KCNAB3: variants seen among roughly 807,000 people sequenced by gnomAD.
KCNAB3 encodes voltage-gated potassium channel subunit beta-3.
KCNAB3 carries 62 observed loss-of-function variants against 67.7 expected under a neutral mutation model. That is an observed-to-expected ratio of 0.92 (90% CI 0.75 to 1.13). The LOEUF (loss-of-function observed/expected upper bound fraction) is 1.13, where lower values mean the gene tolerates loss of function less well. Among genes scored for constraint, KCNAB3 ranks in the 50% most tolerant of loss-of-function variants. The pLI, the probability that KCNAB3 is intolerant of heterozygous loss-of-function variation, is 0.00. For synonymous variants in KCNAB3, 212 were observed against 205.4 expected, an observed-to-expected ratio of 1.03 and a Z score of -0.27; for missense variants, 514 against 522.9, an observed-to-expected ratio of 0.98 and a Z score of 0.17.
rs748147975 is a variant in KCNAB3 at position 7,925,999 on chromosome 17, C to A, written c.450-24G>T. The A allele has an allele frequency of 9.9e-6, 16 of 1,613,892 alleles. No homozygotes were observed. In the South Asian group the frequency reaches 1.4e-4, roughly 14 times the overall value. On this transcript the variant is annotated intron_variant, in intron 5 of 13. Coordinates refer to ENST00000303790, the MANE Select transcript of KCNAB3 (RefSeq NM_004732.4). Reference sequence around the variant, plus strand: ...TCCTGGAAGAATAGAAATGGGAGAACCAGTAAGAAAAGGATTTTTGGGTGA... The same window carrying A: ...TCCTGGAAGAATAGAAATGGGAGAAACAGTAAGAAAAGGATTTTTGGGTGA...
chr17:7,923,152 C>T lies in KCNAB3; in HGVS notation c.1165G>A (p.Val389Met). 1 of 1,614,198 alleles carries T rather than the reference C, an allele frequency of 6.2e-7. No individual in the cohort carries two copies. The highest frequency in any genetic ancestry group is 8.5e-7 in the Non-Finnish European group (1 of 1,180,020). Reference sequence around the variant, plus strand: ...CCCAGGAGCCCGTCTATTTCCATCACTGTCTGCGGGGTCAGCTGGCTCAGC... The same window carrying T: ...CCCAGGAGCCCGTCTATTTCCATCATTGTCTGCGGGGTCAGCTGGCTCAGC... Reference protein sequence around the residue: ...QVLSQLTPQTVMEIDGLLGNK... With the variant: ...QVLSQLTPQTMMEIDGLLGNK... Residue 389 changes from valine (V) to methionine (M), a missense_variant, in exon 14 of 14, where the codon GTG (valine) becomes ATG (methionine). Coordinates refer to ENST00000303790, the MANE Select transcript of KCNAB3 (RefSeq NM_004732.4).
At chr17:7,925,607 A>G (rs1486011220) in intron 7 of KCNAB3, 76 bp downstream of exon 7, 11 of 1,463,432 alleles carry the variant, frequency 7.5e-6, no homozygotes, top group Non-Finnish European at 1.1e-5. Flanking sequence ...CAAAGCCTCC[A>G]GAAGTTCAGA....
At position 7,929,195 on chromosome 17, in the gene KCNAB3, T is replaced by G. The variant is rs1216516360; in HGVS notation, c.241A>C (p.Arg81=). ...TGGGCTGCCCGGCCACCCCCATACC[T>G]GTATTTCATGCCAGTGCCTCGGCCG... ...STGRGTGMKY[R]NLGKSGLRVS... Residue 81 remains arginine (R), a splice_region_variant and synonymous_variant, in exon 1 of 14, where the codon AGG becomes CGG. Transcript: ENST00000303790. The surrounding 1 kb of genome is among the most constrained non-coding windows in gnomAD (Gnocchi z 5.7). 1.2e-6 allele frequency: 2 copies of G among 1,611,332 alleles called. No homozygotes were observed. The highest frequency in any genetic ancestry group is 4.5e-5 in the East Asian group (2 of 44,796).
Position 7,923,000 on chromosome 17 carries a change from C to A in KCNAB3, c.*102G>T, listed in dbSNP as rs765589257. 1.8e-6 allele frequency: 2 copies of A among 1,129,910 alleles called. No individual in the cohort carries two copies. The highest frequency in any genetic ancestry group is 2.4e-5 in the East Asian group (1 of 42,540). The allele number at this position is 1,129,910 out of a possible 1,614,324, so 70.0% of individuals were successfully genotyped here. A position where few individuals can be genotyped will look rare whatever the true frequency, so the allele number is the denominator to read the frequency against. ...TTGGTGGGCGGGGCTAGTCTGGCTCCGGCCGCTGCGTGGAGGGATCCGGAG... is the reference window on the plus strand; with the variant it reads ...TTGGTGGGCGGGGCTAGTCTGGCTCAGGCCGCTGCGTGGAGGGATCCGGAG... On this transcript the variant is annotated 3_prime_UTR_variant, in exon 14 of 14. Transcript: ENST00000303790.
In KCNAB3 at chr17:7,929,508, G is replaced by C; in HGVS notation, c.-73C>G. On this transcript the variant is annotated 5_prime_UTR_variant, in exon 1 of 14. Coordinates refer to ENST00000303790, the MANE Select transcript of KCNAB3 (RefSeq NM_004732.4). This position sits in a 1 kb window ranked among gnomAD's most constrained non-coding sequence, Gnocchi z 5.7. The stretch of plus-strand genomic sequence containing the variant: ...GGAGCAGGGAAGCCCGAGGGCTGAC[G>C]ACCGGGGGCGTAGTGGGGCGAACCC... 1 of 1,530,778 alleles carries C rather than the reference G, an allele frequency of 6.5e-7. No homozygotes were observed. The highest frequency in any genetic ancestry group is 8.8e-7 in the Non-Finnish European group (1 of 1,140,404). The allele number at this position is 1,530,778 out of a possible 1,614,324, so 94.8% of individuals were successfully genotyped here.
chr17:7,923,443 G>A lies in KCNAB3; in HGVS notation c.1137+13C>T, dbSNP rs745394022. The A allele has an allele frequency of 5.0e-6, 8 of 1,603,600 alleles. No homozygotes were observed. The African/African-American group carries it at 1.1e-4, about 22-fold the overall frequency. On this transcript the variant is annotated intron_variant, in intron 13 of 13. Transcript: ENST00000303790. ...GGGGACAGATAGGCTCTGCCTCTGA[G>A]TCCCCGGCTCACCTGTAGCGCGCCC...
In KCNAB3 at chr17:7,929,834, C is replaced by CAT; in HGVS notation, c.-400_-399insAT. The CAT allele has an allele frequency of 1.9e-6, 2 of 1,026,766 alleles. No homozygotes were observed. The highest frequency in any genetic ancestry group is 5.5e-5 in the Admixed American group (1 of 18,242). The allele number at this position is 1,026,766 out of a possible 1,614,324, so 63.6% of individuals were successfully genotyped here. A position where few individuals can be genotyped will look rare whatever the true frequency, so the allele number is the denominator to read the frequency against. On this transcript the variant is annotated 5_prime_UTR_variant, in exon 1 of 14. It adds an upstream start codon to the 5' untranslated region. Transcript: ENST00000303790. The surrounding 1 kb of genome is among the most constrained non-coding windows in gnomAD (Gnocchi z 5.7). ...CTGCGGGACCCGCTGGGCTCCCAGC[C>CAT]GCGTCGGCAGCGGGCCCAGCTCATC...
Position 7,923,498 on chromosome 17 carries a change from C to A in KCNAB3, c.1095G>T (p.Val365=), listed in dbSNP as rs1235426273. The change falls in exon 13 of 14, where the codon GTG becomes GTT. Residue 365 remains valine (V), a synonymous_variant. Coordinates refer to ENST00000303790, the MANE Select transcript of KCNAB3 (RefSeq NM_004732.4). ...GTTCTATCAACTGCTCCGCACTCGA[C>A]ACCCCCAGCAAGACAGAGCTGACAC... ...SEGVSSVLLG[V]SSAEQLIEHL... is the part of the protein sequence containing the mutation. 5.6e-6 allele frequency: 9 copies of A among 1,612,602 alleles called. No individual in the cohort carries two copies. The highest frequency in any genetic ancestry group is 7.6e-6 in the Non-Finnish European group (9 of 1,179,460).
chr17:7,923,225 CTG>C, intron 13 of KCNAB3, 46 bp from the exon 14 acceptor site: 1 of 1,570,124 alleles, frequency 6.4e-7, no homozygotes. Context: ...TGCTGGGTCA[CTG>C]AGAAAGGGCA....
At position 7,929,819 on chromosome 17, in the gene KCNAB3, C is replaced by CTATTA; in HGVS notation, c.-385_-384insTAATA. 7 of 1,011,720 alleles carry CTATTA rather than the reference C, an allele frequency of 6.9e-6. No homozygotes were observed. Among genetic ancestry groups the CTATTA allele is most frequent in the Admixed American group, 6.0e-5 (1 of 16,550 alleles). 62.7% of individuals were successfully genotyped at this position (1,011,720 alleles called of 1,614,324 possible). On this transcript the variant is annotated 5_prime_UTR_variant, in exon 1 of 14. Transcript: ENST00000303790. This position sits in a 1 kb window ranked among gnomAD's most constrained non-coding sequence, Gnocchi z 5.7. ...CTTCAGCGCGAACCGCTGCGGGACC[C>CTATTA]GCTGGGCTCCCAGCCGCGTCGGCAG... is the stretch of plus-strand genomic sequence containing the variant.
chr17:7,926,603 C>T (rs571212414), intron 4 of KCNAB3, among the ~76,000 whole-genome samples: 26 of 152,222 alleles, frequency 1.7e-4, no homozygotes, highest in Non-Finnish European at 3.1e-4. Context: ...AAATTATGAG[C>T]TCACTTATGA....
At position 7,929,466 on chromosome 17, in the gene KCNAB3, CG is replaced by C. The variant is rs1403634517; in HGVS notation, c.-32del. The stretch of plus-strand genomic sequence containing the variant: ...CTGGCCGAGGCGGGGGAGGGGGCTC[CG>C]AGGGGACGGGAGGGGGGAGCAGGGA... On this transcript the variant is annotated 5_prime_UTR_variant, in exon 1 of 14. Transcript: ENST00000303790. This position sits in a 1 kb window ranked among gnomAD's most constrained non-coding sequence, Gnocchi z 5.7. 7.1e-7 allele frequency: 1 copy of C among 1,417,100 alleles called. No individual in the cohort carries two copies. Among genetic ancestry groups the C allele is most frequent in the Admixed American group, 2.1e-5 (1 of 46,608 alleles). 87.8% of individuals were successfully genotyped at this position (1,417,100 alleles called of 1,614,324 possible).
At chr17:7,926,931 T>G (rs189224068) in intron 4 of KCNAB3, among the ~76,000 whole-genome samples, 1 of 151,728 alleles carries the variant, frequency 6.6e-6, no homozygotes, top group African/African-American at 2.4e-5. Context: ...CTCTGGGGAG[T>G]TGGGCAAAGT....
chr17:7,925,865 C>T (rs1348871840), intron 6 of KCNAB3, 66 bp downstream of exon 6: 6 of 1,462,902 alleles, frequency 4.1e-6, no homozygotes, highest in South Asian at 3.4e-5. Context: ...TCCCCACCCC[C>T]ACCCCATACA....
At position 7,929,447 on chromosome 17, in the gene KCNAB3, GA is replaced by G; in HGVS notation, c.-13del. ...ATAGACACCTGCATGCTGGCTGGCCGAGGCGGGGGAGGGGGCTCCGAGGGGA... is the reference window on the plus strand; with the variant it reads ...ATAGACACCTGCATGCTGGCTGGCCGGGCGGGGGAGGGGGCTCCGAGGGGA... On this transcript the variant is annotated 5_prime_UTR_variant, in exon 1 of 14. Transcript: ENST00000303790. The surrounding 1 kb of genome is among the most constrained non-coding windows in gnomAD (Gnocchi z 5.7). 1 of 1,546,064 alleles carries G rather than the reference GA, an allele frequency of 6.5e-7. No homozygotes were observed. The highest frequency in any genetic ancestry group is 2.0e-5 in the Admixed American group (1 of 50,960).
Position 7,925,696 on chromosome 17 carries a change from C to T in KCNAB3, c.525G>A (p.Lys175=). ...QAETERGLSR[K]HIIEGLRGSL... is the part of the protein sequence containing the mutation. The stretch of plus-strand genomic sequence containing the variant: ...CCTAACTCTCACCCTCAATGATGTG[C>T]TTTCGGCTTAAACCTCGCTCGGTTT... The change falls in exon 7 of 14, where the codon AAG becomes AAA. Residue 175 remains lysine, a synonymous_variant. Transcript: ENST00000303790. 1 of 1,614,108 alleles carries T rather than the reference C, an allele frequency of 6.2e-7. No individual in the cohort carries two copies. Among genetic ancestry groups the T allele is most frequent in the Non-Finnish European group, 8.5e-7 (1 of 1,180,032 alleles).
In KCNAB3 at chr17:7,927,909, A is replaced by T. The variant is rs532519181; in HGVS notation, c.243-83T>A. 1,821 of 1,538,014 alleles carry T rather than the reference A, an allele frequency of 1.2e-3. 38 individuals are homozygous for T. In the South Asian group the frequency reaches 0.018, roughly 15 times the overall value. On this transcript the variant is annotated intron_variant, in intron 1 of 13. Coordinates refer to ENST00000303790, the MANE Select transcript of KCNAB3 (RefSeq NM_004732.4). The stretch of plus-strand genomic sequence containing the variant: ...CAGCCCCCAGCTCCTCTCCTTCCAG[A>T]CTGAGAAGCCCTCAGGTGTCTCAGT...
chr17:7,924,428 GC>G lies in KCNAB3; in HGVS notation c.697del (p.Ala233LeufsTer16), dbSNP rs745672481. 2.5e-6 allele frequency: 4 copies of G among 1,613,888 alleles called. 1 individual carries two copies. In the South Asian group the frequency reaches 3.3e-5, roughly 13 times the overall value. ...TCACACACTCACCATGATTTCTGCA[GC>G]CCCCCATCGGGATGTCCCCCAGTAT... The part of the protein sequence containing the change: ...ALYWGTSRWG[A>X]AEIMEAYSMA... On this transcript the variant is annotated frameshift_variant, in exon 9 of 14. Coordinates refer to ENST00000303790, the MANE Select transcript of KCNAB3 (RefSeq NM_004732.4). LOFTEE classifies it high-confidence loss of function.
chr17:7,929,188 C>T lies in KCNAB3; in HGVS notation c.242+6G>A, dbSNP rs759417715. On this transcript the variant is annotated splice_donor_region_variant and intron_variant, in intron 1 of 13. Transcript: ENST00000303790. The surrounding 1 kb of genome is among the most constrained non-coding windows in gnomAD (Gnocchi z 5.7). ...GAAGGGGTGGGCTGCCCGGCCACCC[C>T]CATACCTGTATTTCATGCCAGTGCC... The T allele has an allele frequency of 1.2e-6, 2 of 1,611,674 alleles. No homozygotes were observed. The highest frequency in any genetic ancestry group is 1.7e-5 in the Admixed American group (1 of 59,870).
Sources: gnomAD v4.1 joint callset for allele counts (sites outside exome capture counted in the v4.1 genomes callset) on GRCh38, gnomAD v4.1.1 for gene constraint, Gnocchi (gnomAD v3.1) non-coding constraint, MANE v1.5 for transcripts, NCBI Gene and HGNC (gene_info 2026-07-23, HGNC 2026-07-21) for gene names.